SESTD1: variants seen among roughly 807,000 people sequenced by gnomAD.
The protein encoded by SESTD1 is SEC14 and spectrin domain containing 1, also known as SEC14 domain and spectrin repeat-containing protein 1.
A neutral mutation model predicts 101.7 loss-of-function variants in SESTD1; 43 were observed. The observed-to-expected ratio is 0.42, with a 90% CI of 0.33 to 0.55. The LOEUF (loss-of-function observed/expected upper bound fraction) is 0.55. Ranked by LOEUF, SESTD1 falls within the 20% of genes least tolerant of loss-of-function variation. The pLI is 0.07. For synonymous variants in SESTD1, 283 were observed against 286.8 expected, an observed-to-expected ratio of 0.99 and a Z score of 0.13; for missense variants, 647 against 815.1, an observed-to-expected ratio of 0.79 and a Z score of 2.51.
At chr2:179,117,927 GCATCAAA>G (rs962520790) in intron 13 of SESTD1, among the ~76,000 whole-genome samples, 3 of 152,128 alleles carry the variant, frequency 2.0e-5, no homozygotes, top group Non-Finnish European at 4.4e-5. Context: ...TTGCTGTTTA[GCATCAAA>G]CAAGTTTCAA....
intron 1 of SESTD1, among the ~76,000 whole-genome samples, chr2:179,213,990 T>C (rs1222024435): frequency 3.7e-5 from 5 of 134,378 alleles, no homozygotes; most frequent in African/African-American, 1.5e-4. Flanking sequence ...GCACTCAACA[T>C]GGGAAGGAAC....
In SESTD1 at chr2:179,143,752, C is replaced by A; in HGVS notation, c.689G>T (p.Gly230Val). The A allele has an allele frequency of 6.2e-7, 1 of 1,613,982 alleles. No individual in the cohort carries two copies. The highest frequency in any genetic ancestry group is 8.5e-7 in the Non-Finnish European group (1 of 1,179,930). Residue 230 changes from glycine (G) to valine (V), a missense_variant, in exon 9 of 18, where the codon GGA becomes GTA. Physicochemically the swap from Gly to Val is moderately radical, Grantham distance 109. This residue lies in a region of SESTD1 where 476 missense variants were observed against 562.6 expected (regional missense o/e 0.85). Transcript: ENST00000428443. ...ATCCATAGGAGACCATGAAACCCCT[C>A]CGTCTGAGCCATTAAATCGACGCTG... ...LQQRRFNGSDGGVSWSPMDDE... is the reference protein window; with the variant it reads ...LQQRRFNGSDVGVSWSPMDDE...
At position 179,105,305 on chromosome 2, in the gene SESTD1, AT is replaced by A. The variant is rs2044357274; in HGVS notation, c.*4593del. 6.6e-6 allele frequency: 1 copy of A among 151,314 alleles called. No individual in the cohort carries two copies. The highest frequency in any genetic ancestry group is 2.1e-4 in the South Asian group (1 of 4,796). The allele number at this position is 151,314 out of a possible 1,614,324, so 9.4% of individuals were successfully genotyped here. On this transcript the variant is annotated 3_prime_UTR_variant, in exon 18 of 18. Coordinates refer to ENST00000428443, the MANE Select transcript of SESTD1 (RefSeq NM_178123.5). ...GTATGATTTTCTTTTACTTGTGTCT[AT>A]TAACAGGGTTATGTCACACCTTGTC...
intron 1 of SESTD1, among the ~76,000 whole-genome samples, chr2:179,219,435 A>G (rs2046782004): frequency 6.6e-6 from 1 of 152,258 alleles, no homozygotes; most frequent in Non-Finnish European, 1.5e-5. Context: ...TAGTAAGTCT[A>G]CATCACGTAG....
rs760164398 is a variant in SESTD1 at position 179,108,684 on chromosome 2, GACT to G, written c.*1212_*1214del. Reference sequence around the variant, plus strand: ...TACAACTCGTTTATAATTTTGTAATGACTACAAGACTAAAAAATAATTTTTAAT... The same window carrying G: ...TACAACTCGTTTATAATTTTGTAATGACAAGACTAAAAAATAATTTTTAAT... On this transcript the variant is annotated 3_prime_UTR_variant, in exon 18 of 18. Coordinates refer to ENST00000428443, the MANE Select transcript of SESTD1 (RefSeq NM_178123.5). The G allele has an allele frequency of 1.3e-5, 2 of 151,612 alleles. No individual in the cohort carries two copies. The highest frequency in any genetic ancestry group is 6.6e-5 in the Admixed American group (1 of 15,214). The allele number at this position is 151,612 out of a possible 1,614,324, so 9.4% of individuals were successfully genotyped here.
At chr2:179,128,457 A>G (rs927057203) in intron 10 of SESTD1, among the ~76,000 whole-genome samples, 11 of 152,194 alleles carry the variant, frequency 7.2e-5, no homozygotes, top group Non-Finnish European at 1.3e-4. Context: ...ACGGCCGGGC[A>G]CAGTGGCTCA....
chr2:179,118,499 T>C (rs2044681764), intron 13 of SESTD1, among the ~76,000 whole-genome samples: 1 of 152,122 alleles, frequency 6.6e-6, no homozygotes, highest in South Asian at 2.1e-4. Flanking sequence ...CTACTATACT[T>C]GATGTCCTTA....
intron 1 of SESTD1, among the ~76,000 whole-genome samples, chr2:179,224,334 C>T (rs1447086487): frequency 6.6e-6 from 1 of 152,138 alleles, no homozygotes; most frequent in Non-Finnish European, 1.5e-5. Flanking sequence ...AAAACAGCAG[C>T]CTAGTGAGAT....
intron 1 of SESTD1, among the ~76,000 whole-genome samples, chr2:179,197,446 G>A (rs898380385): frequency 1.3e-5 from 2 of 152,092 alleles, no homozygotes; most frequent in Non-Finnish European, 2.9e-5. Context: ...TCACATTCAG[G>A]AAATACAGAG....
At chr2:179,237,352 T>C (rs991023008) in intron 1 of SESTD1, among the ~76,000 whole-genome samples, 2 of 152,232 alleles carry the variant, frequency 1.3e-5, no homozygotes, top group African/African-American at 4.8e-5. Flanking sequence ...CCTTCTGATG[T>C]TCACTTTGTG....
intron 5 of SESTD1, among the ~76,000 whole-genome samples, chr2:179,152,844 T>G (rs1490541311): frequency 2.6e-5 from 4 of 152,068 alleles, no homozygotes; most frequent in Non-Finnish European, 2.9e-5. Flanking sequence ...ATGAGCTAAG[T>G]GACCCATCTA....
Position 179,183,184 on chromosome 2 carries a change from T to C in SESTD1, c.60A>G (p.Gly20=), listed in dbSNP as rs1159563224. Residue 20 remains glycine, a synonymous_variant, in exon 3 of 18, where the codon GGA becomes GGG. Transcript: ENST00000428443. The part of the protein sequence containing the change: ...LKKKLAFLSG[G]KDRRSGLILT... The stretch of plus-strand genomic sequence containing the variant: ...AAATGAGGCCACTCCGTCTGTCTTT[T>C]CCTCCTATTAAAAAAGAGATTTAAA... The C allele has an allele frequency of 3.1e-6, 5 of 1,597,210 alleles. No homozygotes were observed. The East Asian group carries it at 6.7e-5, about 22-fold the overall frequency.
At chr2:179,133,085 C>T (rs909764127) in intron 9 of SESTD1, among the ~76,000 whole-genome samples, 1 of 152,194 alleles carries the variant, frequency 6.6e-6, no homozygotes, top group Non-Finnish European at 1.5e-5. Flanking sequence ...AAAGGCCCCA[C>T]TGGCACCAGT....
At chr2:179,232,786 C>A (rs1027391535) in intron 1 of SESTD1, among the ~76,000 whole-genome samples, 1 of 152,064 alleles carries the variant, frequency 6.6e-6, no homozygotes, top group Admixed American at 6.6e-5. Context: ...CAGTGTTCTA[C>A]TTTTTGTATA....
At chr2:179,248,739 G>C (rs1307219808) in intron 1 of SESTD1, among the ~76,000 whole-genome samples, 1 of 151,822 alleles carries the variant, frequency 6.6e-6, no homozygotes, top group African/African-American at 2.4e-5. Flanking sequence ...AAAACTTAAA[G>C]CTAATATTAT....
At chr2:179,150,648 C>T (rs1350260071) in intron 6 of SESTD1, among the ~76,000 whole-genome samples, 2 of 151,918 alleles carry the variant, frequency 1.3e-5, no homozygotes, top group Non-Finnish European at 2.9e-5. Context: ...GGTGAAACCC[C>T]GTCTCTGCTA....
intron 1 of SESTD1, among the ~76,000 whole-genome samples, chr2:179,222,809 A>T (rs1242946465): frequency 1.3e-5 from 2 of 152,200 alleles, no homozygotes; most frequent in African/African-American, 2.4e-5. Context: ...AAGGCCACAA[A>T]ACAAGAAAGT....
intron 1 of SESTD1, among the ~76,000 whole-genome samples, chr2:179,229,774 T>TATATATATATATATATATATAC (rs1324308376): frequency 2.6e-5 from 3 of 115,036 alleles, no homozygotes; most frequent in African/African-American, 8.0e-5. Context: ...TATATATATA[T>TATATATATATATATATATATAC]ACTCAAATAC....
intron 1 of SESTD1, among the ~76,000 whole-genome samples, chr2:179,244,571 T>C (rs774887983): frequency 1.6e-4 from 24 of 151,044 alleles, no homozygotes; most frequent in Non-Finnish European, 3.1e-4. Flanking sequence ...TCAGTAAAAA[T>C]ATATTATAGG....
Sources: gnomAD v4.1 joint callset for allele counts (sites outside exome capture counted in the v4.1 genomes callset) on GRCh38, gnomAD v4.1.1 for gene constraint, gnomAD v4.1.1 regional missense constraint, MANE v1.5 for transcripts, NCBI Gene and HGNC (gene_info 2026-07-23, HGNC 2026-07-21) for gene names.